Variants in CDC14A observed in about 807,000 individuals in gnomAD.
The protein encoded by CDC14A is cell division cycle 14A, also known as dual specificity protein phosphatase CDC14A.
In CDC14A, 53 loss-of-function variants were observed where a neutral mutation model predicts 74.4. The observed-to-expected ratio is 0.71, with a 90% confidence interval of 0.57 to 0.89. The LOEUF (loss-of-function observed/expected upper bound fraction) is 0.89, where lower values mean the gene tolerates loss of function less well. CDC14A is among the 40% of genes least tolerant of loss of function. The probability of loss-of-function intolerance (pLI) is 0.00; values close to 1 mark genes in which losing one functional copy is unlikely to be tolerated. For missense variants in CDC14A, 646 were observed against 713.7 expected (o/e 0.91, Z 1.08); for synonymous variants, 247 against 258.4 (o/e 0.96, Z 0.43).
intron 13 of CDC14A, among the ~76,000 whole-genome samples, chr1:100,497,511 A>G (rs1039563319): frequency 6.6e-6 from 1 of 152,266 alleles, no homozygotes. Flanking sequence ...GACATGATTC[A>G]CTGAAGGCTA....
At chr1:100,414,546 A>G (rs767720943) in intron 4 of CDC14A, among the ~76,000 whole-genome samples, 10 of 151,854 alleles carry the variant, frequency 6.6e-5, no homozygotes, top group Admixed American at 4.6e-4. Flanking sequence ...TAAATAACAT[A>G]CTTTTTTTTC....
At chr1:100,391,126 GT>G in intron 4 of CDC14A, 1 of 365,912 alleles carries the variant, frequency 2.7e-6, no homozygotes, top group Admixed American at 3.9e-5. Context: ...AAAAAAAAAT[GT>G]GTGTGTGCAT....
intron 4 of CDC14A, among the ~76,000 whole-genome samples, chr1:100,404,510 A>G (rs1170207831): frequency 1.3e-5 from 2 of 152,200 alleles, no homozygotes; most frequent in Non-Finnish European, 2.9e-5. Flanking sequence ...GGGTGTAGTT[A>G]TACAGCAAAT....
intron 10 of CDC14A, among the ~76,000 whole-genome samples, chr1:100,478,913 C>T (rs1347555594): frequency 6.6e-6 from 1 of 152,278 alleles, no homozygotes; most frequent in East Asian, 1.9e-4. Context: ...AGTGCAGTCT[C>T]TGATTCAGCA....
intron 4 of CDC14A, among the ~76,000 whole-genome samples, chr1:100,406,148 C>A (rs1659919125): frequency 6.6e-6 from 1 of 150,392 alleles, no homozygotes; most frequent in East Asian, 1.9e-4. Flanking sequence ...AGCTTTTTTT[C>A]ATATGTTTGT....
rs1344111166 is a variant in CDC14A, at chr1:100,363,655, G to A, written c.140+9803G>A. Among the ~76,000 whole-genome samples, 3 of 150,326 alleles carry A rather than the reference G, an allele frequency of 2.0e-5. No individual in the cohort carries two copies. In the East Asian group the frequency reaches 5.8e-4, roughly 29 times the overall value. Reference sequence around the variant, plus strand: ...AAAATTTAATTTTCTTTTGAGAACTGGAAAAGGTAGTTTATTTCAAATTTG... The same window carrying A: ...AAAATTTAATTTTCTTTTGAGAACTAGAAAAGGTAGTTTATTTCAAATTTG... On this transcript the variant is annotated intron_variant, in intron 2 of 15. Transcript: ENST00000336454.
At chr1:100,500,495 T>A (rs1194060292) in intron 15 of CDC14A, among the ~76,000 whole-genome samples, 1 of 152,050 alleles carries the variant, frequency 6.6e-6, no homozygotes, top group Admixed American at 6.5e-5. Flanking sequence ...CAGTGGCTCA[T>A]GCCTATAATC....
At chr1:100,456,360 C>G (rs1666683973) in intron 8 of CDC14A, among the ~76,000 whole-genome samples, 1 of 152,016 alleles carries the variant, frequency 6.6e-6, no homozygotes, top group Non-Finnish European at 1.5e-5. Flanking sequence ...TAATGATAGA[C>G]AACAGAGGTT....
At position 100,499,153 on chromosome 1, in the gene CDC14A, G is replaced by A; in HGVS notation, c.1646G>A (p.Ser549Asn). Residue 549 changes from serine to asparagine, a missense_variant, in exon 15 of 16, where the codon AGC becomes AAC. By Grantham distance (46) the Ser-to-Asn change is conservative. Coordinates refer to ENST00000336454, the MANE Select transcript of CDC14A (RefSeq NM_003672.4). The stretch of plus-strand genomic sequence containing the variant: ...AACAGCAACGGGGGCAACCTGAACA[G>A]CCCCCCAGGCCCCCACAGCGCCAAG... Reference protein sequence around the residue: ...SSNSNGGNLNSPPGPHSAKTE... With the variant: ...SSNSNGGNLNNPPGPHSAKTE... 1 of 1,614,050 alleles carries A rather than the reference G, an allele frequency of 6.2e-7. No individual in the cohort carries two copies.
At chr1:100,397,895 A>G (rs1658742728) in intron 4 of CDC14A, among the ~76,000 whole-genome samples, 1 of 152,164 alleles carries the variant, frequency 6.6e-6, no homozygotes, top group Admixed American at 6.5e-5. Flanking sequence ...TGTGTTGGCT[A>G]TTTATTTTGT....
intron 2 of CDC14A, among the ~76,000 whole-genome samples, chr1:100,356,713 G>T (rs1365856980): frequency 1.3e-5 from 2 of 152,062 alleles, no homozygotes; most frequent in South Asian, 2.1e-4. Flanking sequence ...AATTAGCTGG[G>T]CATGGTGGCG....
intron 4 of CDC14A, among the ~76,000 whole-genome samples, chr1:100,391,693 GA>G (rs1489002937): frequency 3.9e-5 from 6 of 152,202 alleles, no homozygotes; most frequent in African/African-American, 1.4e-4. Context: ...CTTGAGGGAA[GA>G]GGGCACCAGC....
At chr1:100,451,788 T>C (rs937956327) in intron 7 of CDC14A, among the ~76,000 whole-genome samples, 4 of 152,216 alleles carry the variant, frequency 2.6e-5, no homozygotes, top group African/African-American at 9.6e-5. Context: ...CTCATAGGGT[T>C]GCTATGAGAA....
chr1:100,432,004 T>C (rs1663746655), intron 5 of CDC14A, among the ~76,000 whole-genome samples: 1 of 152,214 alleles, frequency 6.6e-6, no homozygotes, highest in African/African-American at 2.4e-5. Flanking sequence ...GCCATGACTT[T>C]AGAATTGAAT....
At chr1:100,484,587 T>A in intron 11 of CDC14A, 136 bp downstream of exon 11, 1 of 1,296,858 alleles carries the variant, frequency 7.7e-7, no homozygotes, top group South Asian at 2.9e-5. Flanking sequence ...GAGCCATCCG[T>A]CTATATAGCA....
chr1:100,422,079 G>T (rs1204550130), intron 4 of CDC14A, among the ~76,000 whole-genome samples: 1 of 152,156 alleles, frequency 6.6e-6, no homozygotes, highest in African/African-American at 2.4e-5. Flanking sequence ...CTGGAATTTA[G>T]ATGGCCTCTG....
intron 3 of CDC14A, among the ~76,000 whole-genome samples, chr1:100,389,270 C>T (rs1657333633): frequency 6.6e-6 from 1 of 150,744 alleles, no homozygotes; most frequent in Non-Finnish European, 1.5e-5. Context: ...CCAGCCTGGC[C>T]AACATGGTGA....
intron 2 of CDC14A, among the ~76,000 whole-genome samples, chr1:100,365,941 TAC>T (rs34281009): frequency 0.017 from 2,363 of 142,038 alleles, 30 homozygotes; most frequent in African/African-American, 0.042. Flanking sequence ...AACAAAATTT[TAC>T]ACACACACAC....
intron 5 of CDC14A, among the ~76,000 whole-genome samples, chr1:100,429,871 A>G (rs1276196742): frequency 6.6e-6 from 1 of 151,806 alleles, no homozygotes; most frequent in Non-Finnish European, 1.5e-5. Flanking sequence ...TGAGTAATGA[A>G]GTAACCTGTT....
Sources: allele counts gnomAD v4.1 joint callset (sites outside exome capture counted in the v4.1 genomes callset), GRCh38; gene constraint gnomAD v4.1.1; transcripts MANE v1.5; gene names NCBI Gene and HGNC (gene_info 2026-07-23, HGNC 2026-07-21).